SLC44A5: variants seen among roughly 807,000 people sequenced by gnomAD.
SLC44A5 encodes the protein solute carrier family 44 member 5.
A neutral mutation model predicts 101.8 loss-of-function variants in SLC44A5; 57 were observed. The ratio of observed to expected loss-of-function variants is 0.56; its 90% CI spans 0.45 to 0.70. The LOEUF (loss-of-function observed/expected upper bound fraction) is 0.70. SLC44A5 is among the 30% of genes least tolerant of loss of function. SLC44A5 has a pLI of 0.00. For synonymous variants in SLC44A5, 281 were observed against 290.9 expected (o/e 0.97, Z 0.35); for missense variants, 737 against 853.1 (o/e 0.86, Z 1.70).
At chr1:75,676,399 G>T in the SLC44A5 span, among the ~76,000 whole-genome samples, 126 of 152,290 alleles carry the variant, frequency 8.3e-4, 1 homozygote, top group Non-Finnish European at 1.4e-3. Flanking sequence ...CATGTCCTTT[G>T]CAGTGACATG....
chr1:75,617,069 T>G, the SLC44A5 span, among the ~76,000 whole-genome samples: 2 of 152,090 alleles, frequency 1.3e-5, no homozygotes, highest in Admixed American at 6.5e-5. Flanking sequence ...AGGCGAAAGT[T>G]TAAGAATATA....
At chr1:75,698,682 G>C in the SLC44A5 span, among the ~76,000 whole-genome samples, 3 of 152,316 alleles carry the variant, frequency 2.0e-5, no homozygotes, top group Admixed American at 2.0e-4. Context: ...AGAGAAGAAG[G>C]CTTCAGACGA....
intron 6 of SLC44A5, among the ~76,000 whole-genome samples, chr1:75,260,021 G>A (rs893241827): frequency 2.0e-5 from 3 of 152,112 alleles, no homozygotes; most frequent in African/African-American, 7.2e-5. Flanking sequence ...AAGAGCTCCT[G>A]AAGGAAGCGC....
At chr1:75,258,052 C>T (rs1570489667) in intron 6 of SLC44A5, among the ~76,000 whole-genome samples, 1 of 152,108 alleles carries the variant, frequency 6.6e-6, no homozygotes, top group Non-Finnish European at 1.5e-5. Context: ...AACCCGCAGA[C>T]CAGAAGATTC....
chr1:75,717,645 T>C, the SLC44A5 span, among the ~76,000 whole-genome samples: 1 of 152,164 alleles, frequency 6.6e-6, no homozygotes, highest in African/African-American at 2.4e-5. Context: ...TTTAAAAATA[T>C]GTATATTGAT....
chr1:75,689,094 C>T, the SLC44A5 span, among the ~76,000 whole-genome samples: 1 of 152,168 alleles, frequency 6.6e-6, no homozygotes, highest in Non-Finnish European at 1.5e-5. Flanking sequence ...ACTAATATTA[C>T]CCAGAAGTAC....
At chr1:75,436,117 G>A (rs1664875436) in intron 2 of SLC44A5, among the ~76,000 whole-genome samples, 1 of 152,070 alleles carries the variant, frequency 6.6e-6, no homozygotes, top group Non-Finnish European at 1.5e-5. Flanking sequence ...TACTTATCAT[G>A]ATAAAAGAGT....
chr1:75,702,710 G>GAA, the SLC44A5 span, among the ~76,000 whole-genome samples: 2 of 152,144 alleles, frequency 1.3e-5, no homozygotes. Context: ...ACTACCATCA[G>GAA]ACTGAACAGG....
At chr1:75,320,084 T>C (rs1177487538) in intron 4 of SLC44A5, among the ~76,000 whole-genome samples, 1 of 152,142 alleles carries the variant, frequency 6.6e-6, no homozygotes, top group East Asian at 1.9e-4. Context: ...ATGTGTTTAT[T>C]ATACATAATT....
At chr1:75,581,896 G>A (rs1673716814) in intron 1 of SLC44A5, among the ~76,000 whole-genome samples, 1 of 152,182 alleles carries the variant, frequency 6.6e-6, no homozygotes, top group Non-Finnish European at 1.5e-5. Flanking sequence ...GGCAGTCTGA[G>A]TCCTCGCCAA....
chr1:75,426,860 C>A (rs2101582080), intron 2 of SLC44A5, among the ~76,000 whole-genome samples: 1 of 152,330 alleles, frequency 6.6e-6, no homozygotes, highest in South Asian at 2.1e-4. Flanking sequence ...CGGTATGGAG[C>A]TTCCAGGTGC....
At chr1:75,271,975 TC>T (rs554685046) in intron 6 of SLC44A5, among the ~76,000 whole-genome samples, 9 of 152,224 alleles carry the variant, frequency 5.9e-5, no homozygotes, top group Non-Finnish European at 8.8e-5. Context: ...CATGCCAACA[TC>T]TATTGTTTTT....
chr1:75,314,279 T>C (rs1034957445), intron 4 of SLC44A5, among the ~76,000 whole-genome samples: 12 of 152,170 alleles, frequency 7.9e-5, no homozygotes, highest in African/African-American at 2.9e-4. Flanking sequence ...TTACCTCAAC[T>C]CAGTGTCTGT....
At chr1:75,541,391 C>T (rs1557889215) in intron 2 of SLC44A5, 44 bp downstream of exon 2, 1 of 1,404,354 alleles carries the variant, frequency 7.1e-7, no homozygotes. Context: ...ATATTTGGCA[C>T]AAAAGTCCAG....
chr1:75,590,974 C>T (rs140080868), intron 1 of SLC44A5, among the ~76,000 whole-genome samples: 3 of 152,284 alleles, frequency 2.0e-5, no homozygotes, highest in Non-Finnish European at 4.4e-5. Context: ...GGAGTAGTTA[C>T]AGCAGGACTT....
intron 4 of SLC44A5, among the ~76,000 whole-genome samples, chr1:75,320,631 T>A (rs187861288): frequency 6.6e-6 from 1 of 152,310 alleles, no homozygotes; most frequent in East Asian, 1.9e-4. Context: ...ATATTAATGG[T>A]TGCTACCTTT....
At chr1:75,445,287 C>T (rs2799049) in intron 2 of SLC44A5, among the ~76,000 whole-genome samples, 35,774 of 151,698 alleles carry the variant, frequency 0.24, 5,317 homozygotes, top group East Asian at 0.8. Flanking sequence ...CCATGTGACA[C>T]GCCTGCTCCC....
At chr1:75,543,954 A>T (rs1671505327) in intron 1 of SLC44A5, among the ~76,000 whole-genome samples, 1 of 152,114 alleles carries the variant, frequency 6.6e-6, no homozygotes, top group African/African-American at 2.4e-5. Context: ...CAGGCAGGTG[A>T]TTAATAATCA....
intron 7 of SLC44A5, among the ~76,000 whole-genome samples, chr1:75,248,491 G>A (rs1649305502): frequency 6.6e-6 from 1 of 152,098 alleles, no homozygotes; most frequent in African/African-American, 2.4e-5. Flanking sequence ...GACGAAGATA[G>A]GCAGGCAAAC....
Sources: gnomAD v4.1 joint callset for allele counts (sites outside exome capture counted in the v4.1 genomes callset) on GRCh38, gnomAD v4.1.1 for gene constraint, MANE v1.5 for transcripts, NCBI Gene and HGNC (gene_info 2026-07-23, HGNC 2026-07-21) for gene names.